The following NCALD variants were observed in gnomAD, a reference collection of about 807,000 sequenced individuals.
The protein encoded by NCALD is neurocalcin delta, also known as neurocalcin-delta.
NCALD carries 10 observed loss-of-function variants against 18.6 expected under a neutral mutation model. The ratio of observed to expected loss-of-function variants is 0.54; its 90% CI spans 0.33 to 0.91. The LOEUF (loss-of-function observed/expected upper bound fraction) is 0.91, where lower values mean the gene tolerates loss of function less well. Ranked by LOEUF, NCALD falls within the 40% of genes least tolerant of loss-of-function variation. NCALD has a pLI of 0.03. For missense variants in NCALD, 184 were observed against 247.6 expected, an observed-to-expected ratio of 0.74 and a Z score of 1.72; for synonymous variants, 88 against 87.4, an observed-to-expected ratio of 1.01 and a Z score of -0.04.
intron 2 of NCALD, among the ~76,000 whole-genome samples, chr8:101,959,196 G>A (rs984132960): frequency 2.0e-5 from 3 of 152,090 alleles, no homozygotes; most frequent in South Asian, 2.1e-4. Context: ...TCATGAACTT[G>A]GCATTTTTGA....
chr8:102,027,323 A>AT (rs1822494730), intron 1 of NCALD, among the ~76,000 whole-genome samples: 1 of 152,254 alleles, frequency 6.6e-6, no homozygotes, highest in South Asian at 2.1e-4. Flanking sequence ...CCACTTAGAA[A>AT]TTTCTTCTGC....
At chr8:101,944,665 CAGG>C (rs1176319213) in intron 2 of NCALD, among the ~76,000 whole-genome samples, 6 of 152,254 alleles carry the variant, frequency 3.9e-5, no homozygotes, top group African/African-American at 9.6e-5. Flanking sequence ...GATGAAAGAG[CAGG>C]AGGAGAGTTT....
chr8:102,104,098 C>T (rs538301676), intron 1 of NCALD, among the ~76,000 whole-genome samples: 16 of 152,296 alleles, frequency 1.1e-4, no homozygotes, highest in African/African-American at 3.6e-4. Flanking sequence ...TATATCCGCA[C>T]GCGTGAAGAC....
At chr8:102,059,730 G>A (rs973831423) in intron 1 of NCALD, among the ~76,000 whole-genome samples, 1 of 152,172 alleles carries the variant, frequency 6.6e-6, no homozygotes, top group Non-Finnish European at 1.5e-5. Flanking sequence ...GGTAGGAGGG[G>A]AAAAGTCTTC....
chr8:101,834,127 C>T lies in NCALD; in HGVS notation c.-20+53014G>A, dbSNP rs554886968. 3.0e-3 allele frequency among the ~76,000 whole-genome samples: 450 copies of T among 152,314 alleles called. 2 individuals carry two copies. Among genetic ancestry groups the T allele is most frequent in the African/African-American group, 0.011 (437 of 41,570 alleles). ...GGGGGATTTGTAAATTCAGAAATGG[C>T]ACAAAGGCTCACACATTCAGAGCTG... On this transcript the variant is annotated intron_variant, in intron 4 of 6. Coordinates refer to the NCALD transcript ENST00000311028.
chr8:101,791,343 C>G (rs1812438440), upstream of NCALD, among the ~76,000 whole-genome samples: 1 of 152,146 alleles, frequency 6.6e-6, no homozygotes, highest in Non-Finnish European at 1.5e-5. Flanking sequence ...CTCTCTCTCT[C>G]TCTTTCTCTA....
chr8:101,847,718 A>G (rs1186805874), intron 4 of NCALD, among the ~76,000 whole-genome samples: 1 of 152,170 alleles, frequency 6.6e-6, no homozygotes, highest in Admixed American at 6.5e-5. Context: ...TGCAGCTTTG[A>G]AGACAGGAAA....
At chr8:101,711,868 C>G (rs781041858) in intron 2 of NCALD, among the ~76,000 whole-genome samples, 1 of 152,078 alleles carries the variant, frequency 6.6e-6, no homozygotes, top group Admixed American at 6.5e-5. Flanking sequence ...TCCAGGAGAA[C>G]GTCCCCAACC....
At chr8:102,050,803 ATTAAT>A (rs1167423778) in intron 1 of NCALD, among the ~76,000 whole-genome samples, 4 of 144,958 alleles carry the variant, frequency 2.8e-5, no homozygotes, top group East Asian at 4.0e-4. Flanking sequence ...TTTTAATTTA[ATTAAT>A]TTAATCATTT....
At chr8:101,832,225 G>A (rs1814219446) in intron 4 of NCALD, among the ~76,000 whole-genome samples, 1 of 152,098 alleles carries the variant, frequency 6.6e-6, no homozygotes, top group African/African-American at 2.4e-5. Flanking sequence ...TCTCCACCCG[G>A]GGAAAGAAAC....
At chr8:102,105,168 T>C (rs571148066) in intron 1 of NCALD, among the ~76,000 whole-genome samples, 2 of 152,358 alleles carry the variant, frequency 1.3e-5, no homozygotes, top group South Asian at 4.1e-4. Flanking sequence ...TAAGCCGCTT[T>C]GAATCAGGTT....
chr8:102,123,815 CCCCCGG>C (rs535936420), intron 1 of NCALD: 11,925 of 152,386 alleles, frequency 0.078, 645 homozygotes, highest in Non-Finnish European at 0.12. Flanking sequence ...GGTGCCCCGG[CCCCCGG>C]CCCCGGCCCC....
At chr8:102,065,747 G>A (rs1554589545) in intron 1 of NCALD, among the ~76,000 whole-genome samples, 1 of 152,094 alleles carries the variant, frequency 6.6e-6, no homozygotes, top group Non-Finnish European at 1.5e-5. Context: ...GGGAGGCTGG[G>A]AGGATCGCTT....
At chr8:102,116,604 TC>T (rs1825796161) in intron 1 of NCALD, among the ~76,000 whole-genome samples, 1 of 152,184 alleles carries the variant, frequency 6.6e-6, no homozygotes, top group Non-Finnish European at 1.5e-5. Flanking sequence ...TACCTCAGCC[TC>T]CCGAGTAGCT....
intron 1 of NCALD, among the ~76,000 whole-genome samples, chr8:102,043,041 T>C (rs1226457011): frequency 6.6e-6 from 1 of 151,856 alleles, no homozygotes; most frequent in Admixed American, 6.5e-5. Context: ...AACATACCAC[T>C]CCAACCAGAA....
intron 4 of NCALD, among the ~76,000 whole-genome samples, chr8:101,839,399 T>C (rs967656629): frequency 6.6e-6 from 1 of 152,096 alleles, no homozygotes; most frequent in Non-Finnish European, 1.5e-5. Flanking sequence ...GATTGGTTGA[T>C]GTCATACTCC....
At chr8:102,105,305 G>A (rs554245884) in intron 1 of NCALD, among the ~76,000 whole-genome samples, 3 of 152,282 alleles carry the variant, frequency 2.0e-5, no homozygotes, top group South Asian at 4.1e-4. Context: ...TTGTACCAGA[G>A]ATGTTAATTT....
intron 1 of NCALD, among the ~76,000 whole-genome samples, chr8:101,742,477 A>T (rs1810247189): frequency 6.6e-6 from 1 of 152,190 alleles, no homozygotes; most frequent in African/African-American, 2.4e-5. Flanking sequence ...ATTATAAGAA[A>T]ATTATGCAAA....
At chr8:101,748,627 T>G (rs1276026018) in intron 1 of NCALD, among the ~76,000 whole-genome samples, 3 of 152,168 alleles carry the variant, frequency 2.0e-5, no homozygotes, top group East Asian at 3.9e-4. Context: ...TTACACACAC[T>G]AACTCATTTA....
Sources: gnomAD v4.1 joint callset for allele counts (sites outside exome capture counted in the v4.1 genomes callset) on GRCh38, gnomAD v4.1.1 for gene constraint, MANE v1.5 for transcripts, NCBI Gene and HGNC (gene_info 2026-07-23, HGNC 2026-07-21) for gene names.